Variants in FXR1 observed in about 807,000 individuals in gnomAD.
The protein encoded by FXR1 is RNA-binding protein FXR1.
FXR1 carries 15 observed loss-of-function variants against 84.0 expected under a neutral mutation model. That is an observed-to-expected ratio of 0.18 (90% confidence interval 0.12 to 0.27). The LOEUF is 0.27. Among genes scored for constraint, FXR1 ranks in the 10% least tolerant of loss-of-function variants. The pLI, the probability that FXR1 is intolerant of heterozygous loss-of-function variation, is 1.00. For missense variants in FXR1, 480 were observed against 774.4 expected (o/e 0.62, Z 4.51); for synonymous variants, 245 against 250.7 (o/e 0.98, Z 0.21).
chr3:180,951,378 T>C lies in FXR1; in HGVS notation c.711T>C (p.His237=), dbSNP rs751326790. 9.4e-5 allele frequency: 151 copies of C among 1,607,508 alleles called. No individual in the cohort carries two copies. The highest frequency in any genetic ancestry group is 1.3e-4 in the Non-Finnish European group (149 of 1,174,052). ...EDLMGLAIGT[H]GSNIQQARKV... Reference sequence around the variant, plus strand: ...TAATGGGCCTGGCAATAGGAACACATGGTAGTAACATCCAGCAAGCTAGGA... The same window carrying C: ...TAATGGGCCTGGCAATAGGAACACACGGTAGTAACATCCAGCAAGCTAGGA... Residue 237 remains histidine, a synonymous_variant, in exon 8 of 17, where the codon CAT becomes CAC. Transcript: ENST00000357559.
intron 9 of FXR1, among the ~76,000 whole-genome samples, chr3:180,955,890 T>G (rs1052972242): frequency 2.0e-5 from 3 of 152,210 alleles, no homozygotes; most frequent in Non-Finnish European, 4.4e-5. Context: ...CCTGTCTACG[T>G]TGGCTTTGGT....
chr3:180,926,487 TATATATATATATATATATA>T (rs1719200910), intron 1 of FXR1, among the ~76,000 whole-genome samples: 1 of 101,208 alleles, frequency 9.9e-6, no homozygotes, highest in Non-Finnish European at 1.9e-5. Context: ...TGTATATATA[TATATATATATATATATATA>T]TTTTTTTTTC....
intron 1 of FXR1, among the ~76,000 whole-genome samples, chr3:180,915,934 T>TC (rs1717840693): frequency 6.6e-6 from 1 of 152,228 alleles, no homozygotes; most frequent in Admixed American, 6.5e-5. Context: ...TAACAGTGGC[T>TC]CTATAGTTAG....
At position 180,982,674 on chromosome 3, in the gene FXR1, A is replaced by G. The variant is rs1050990367; in HGVS notation, c.*6382A>G. 6.6e-6 allele frequency: 1 copy of G among 152,120 alleles called. No homozygotes were observed. The highest frequency in any genetic ancestry group is 1.5e-5 in the Non-Finnish European group (1 of 67,976). The allele number at this position is 152,120 out of a possible 1,614,324, so 9.4% of individuals were successfully genotyped here. A position where few individuals can be genotyped will look rare whatever the true frequency, so the allele number is the denominator to read the frequency against. ...AAAAATTTTCTTTTAAGTCTCAACT[A>G]TTTCTTCATAAAGCTCTTGTTCAGA... On this transcript the variant is annotated 3_prime_UTR_variant, in exon 17 of 17. Transcript: ENST00000357559.
Position 180,982,297 on chromosome 3 carries a change from TAA to T in FXR1, c.*6008_*6009del, listed in dbSNP as rs1714647983. 1 of 151,690 alleles carries T rather than the reference TAA, an allele frequency of 6.6e-6. No homozygotes were observed. The allele number at this position is 151,690 out of a possible 1,614,324, so 9.4% of individuals were successfully genotyped here. ...TTTGTAAGAAAATACCAGCAAAAGA[TAA>T]AAGTTTTTTTATGGATCGTATTTGT... On this transcript the variant is annotated 3_prime_UTR_variant, in exon 17 of 17. Coordinates refer to ENST00000357559, the MANE Select transcript of FXR1 (RefSeq NM_005087.4).
chr3:180,936,136 C>A (rs933852670), intron 3 of FXR1, among the ~76,000 whole-genome samples: 2 of 152,092 alleles, frequency 1.3e-5, no homozygotes, highest in Admixed American at 6.6e-5. Context: ...AGGTGATCTG[C>A]CCACTTTGTC....
intron 1 of FXR1, among the ~76,000 whole-genome samples, chr3:180,913,388 A>G (rs993057319): frequency 3.3e-5 from 5 of 152,146 alleles, no homozygotes; most frequent in African/African-American, 1.2e-4. Flanking sequence ...TAGCCCCTCT[A>G]TTACGGAAGA....
intron 1 of FXR1, among the ~76,000 whole-genome samples, chr3:180,913,389 T>C (rs1717481942): frequency 6.6e-6 from 1 of 152,252 alleles, no homozygotes; most frequent in Non-Finnish European, 1.5e-5. Flanking sequence ...AGCCCCTCTA[T>C]TACGGAAGAA....
intron 1 of FXR1, among the ~76,000 whole-genome samples, chr3:180,930,217 T>G (rs990383426): frequency 2.0e-5 from 3 of 151,534 alleles, no homozygotes; most frequent in African/African-American, 7.3e-5. Context: ...CAGCTGAGAT[T>G]GCACCACTGC....
At chr3:180,924,902 A>G in intron 1 of FXR1, among the ~76,000 whole-genome samples, 1 of 152,324 alleles carries the variant, frequency 6.6e-6, no homozygotes, top group South Asian at 2.1e-4. Context: ...TTATTTTTTA[A>G]TATTCTTATG....
At chr3:180,919,581 G>A (rs1718326227) in intron 1 of FXR1, among the ~76,000 whole-genome samples, 1 of 147,306 alleles carries the variant, frequency 6.8e-6, no homozygotes, top group Non-Finnish European at 1.5e-5. Flanking sequence ...ACTGCGCCGG[G>A]CCAATAATTT....
At position 180,957,251 on chromosome 3, in the gene FXR1, TA is replaced by T. The variant is rs1221245316; in HGVS notation, c.881-567del. On this transcript the variant is annotated intron_variant, in intron 9 of 16. Transcript: ENST00000357559. ...ATATTTTATACCTAGCAAGACAGCA[TA>T]TCATGTACATGCTTTATGTCATTTT... is the stretch of plus-strand genomic sequence containing the variant. 8.5e-5 allele frequency among the ~76,000 whole-genome samples: 13 copies of T among 152,346 alleles called. No homozygotes were observed. In the South Asian group the frequency reaches 2.1e-3, roughly 24 times the overall value.
chr3:180,978,293 AAAGAGT>A lies in FXR1; in HGVS notation c.*2002_*2007del, dbSNP rs1200291991. On this transcript the variant is annotated 3_prime_UTR_variant, in exon 17 of 17. Transcript: ENST00000357559. Reference sequence around the variant, plus strand: ...TGGGAATGGAAGAAACAAAATCTTAAAAGAGTGAGTATAGCTGAACCAATTCTTCAT... The same window carrying A: ...TGGGAATGGAAGAAACAAAATCTTAAGAGTATAGCTGAACCAATTCTTCAT... 1 of 105,122 alleles carries A rather than the reference AAAGAGT, an allele frequency of 9.5e-6. No homozygotes were observed. Among genetic ancestry groups the A allele is most frequent in the East Asian group, 2.6e-4 (1 of 3,788 alleles). The allele number at this position is 105,122 out of a possible 1,614,324, so 6.5% of individuals were successfully genotyped here. A position where few individuals can be genotyped will look rare whatever the true frequency, so the allele number is the denominator to read the frequency against.
rs562619429 is a variant in FXR1, at chr3:180,975,794, G to A, written c.1696-328G>A. 3.3e-5 allele frequency among the ~76,000 whole-genome samples: 5 copies of A among 152,264 alleles called. No individual in the cohort carries two copies. In the East Asian group the frequency reaches 7.7e-4, roughly 24 times the overall value. On this transcript the variant is annotated intron_variant, in intron 16 of 16. Transcript: ENST00000357559. ...GATTTCTCAAAATAAGGTGAGTAAA[G>A]TAGGTGATTATTTGTTTAATATTAA...
chr3:180,930,017 G>C (rs764444829), intron 1 of FXR1, among the ~76,000 whole-genome samples: 1 of 152,234 alleles, frequency 6.6e-6, no homozygotes, highest in African/African-American at 2.4e-5. Flanking sequence ...TGTAATCCCA[G>C]CACTTTGGGA....
intron 15 of FXR1, among the ~76,000 whole-genome samples, chr3:180,972,049 AG>A (rs1422171237): frequency 2.0e-5 from 3 of 152,236 alleles, no homozygotes; most frequent in African/African-American, 7.2e-5. Context: ...CATCCCTAAA[AG>A]TTCATGTTTT....
chr3:180,973,968 TTAAA>T (rs1386938732), intron 15 of FXR1, among the ~76,000 whole-genome samples: 2 of 152,190 alleles, frequency 1.3e-5, no homozygotes, highest in Non-Finnish European at 2.9e-5. Context: ...CCTAGTGACT[TTAAA>T]TAAATAATTT....
At chr3:180,917,674 C>T (rs1022447853) in intron 1 of FXR1, among the ~76,000 whole-genome samples, 9 of 152,088 alleles carry the variant, frequency 5.9e-5, no homozygotes, top group African/African-American at 1.7e-4. Context: ...TTAGGCCGGG[C>T]GCCGTGGCTC....
At chr3:180,947,092 G>A (rs1328871187) in intron 3 of FXR1, among the ~76,000 whole-genome samples, 3 of 152,022 alleles carry the variant, frequency 2.0e-5, no homozygotes, top group African/African-American at 7.2e-5. Flanking sequence ...TGCTCTAGGT[G>A]CCTAGGCTGG....
Sources: gnomAD v4.1 joint callset for allele counts (sites outside exome capture counted in the v4.1 genomes callset) on GRCh38, gnomAD v4.1.1 for gene constraint, MANE v1.5 for transcripts, NCBI Gene and HGNC (gene_info 2026-07-23, HGNC 2026-07-21) for gene names.